Variants in FGF12 observed in about 807,000 individuals in gnomAD.
FGF12 encodes the protein fibroblast growth factor 12, also known as fibroblast growth factor 12B.
In FGF12, 14 loss-of-function variants were observed where a neutral mutation model predicts 23.6. The ratio of observed to expected loss-of-function variants is 0.59; its 90% confidence interval spans 0.39 to 0.93. The LOEUF (loss-of-function observed/expected upper bound fraction) is 0.93. Ranked by LOEUF, FGF12 falls within the 40% of genes least tolerant of loss-of-function variation. FGF12 has a pLI of 0.00. For synonymous variants in FGF12, 62 were observed against 77.3 expected, an observed-to-expected ratio of 0.80 and a Z score of 1.04; for missense variants, 175 against 217.8, an observed-to-expected ratio of 0.80 and a Z score of 1.24.
chr3:192,158,391 C>CTTTCTTCTTTCTTTCTTTCTTTTCTT (rs1163929214), intron 5 of FGF12, among the ~76,000 whole-genome samples: 2 of 77,050 alleles, frequency 2.6e-5, no homozygotes, highest in Non-Finnish European at 4.4e-5. Flanking sequence ...TCTTTTCTTT[C>CTTTCTTCTTTCTTTCTTTCTTTTCTT]TCTCTCTTTC....
chr3:192,529,549 C>T (rs4687342), intron 2 of FGF12, among the ~76,000 whole-genome samples: 97,801 of 152,068 alleles, frequency 0.64, 32,118 homozygotes, highest in East Asian at 0.86. Flanking sequence ...GGTATCTTTT[C>T]AGCAGCACCC....
rs1395726808 is a variant in FGF12, at chr3:192,713,453, A to G, written c.13+13728T>C. 2.0e-5 allele frequency among the ~76,000 whole-genome samples: 3 copies of G among 152,220 alleles called. No individual in the cohort carries two copies. In the East Asian group the frequency reaches 5.8e-4, roughly 29 times the overall value. On this transcript the variant is annotated intron_variant, in intron 2 of 5. Coordinates refer to ENST00000445105, the MANE Select transcript of FGF12 (RefSeq NM_004113.6). ...ATAACTGTGACAAAAATAGCAAGTA[A>G]AAACAGAAAAAGAAAGAAGAAATCA...
intron 3 of FGF12, among the ~76,000 whole-genome samples, chr3:192,350,392 T>G (rs1718164671): frequency 6.6e-6 from 1 of 152,080 alleles, no homozygotes; most frequent in South Asian, 2.1e-4. Flanking sequence ...ATTTTAGTAG[T>G]AAGAAGACAT....
At chr3:192,263,372 C>T (rs186892050) in intron 4 of FGF12, among the ~76,000 whole-genome samples, 1 of 151,876 alleles carries the variant, frequency 6.6e-6, no homozygotes, top group Admixed American at 6.6e-5. Flanking sequence ...AGCATTAATC[C>T]CATCAATGTC....
intron 4 of FGF12, among the ~76,000 whole-genome samples, chr3:192,305,666 G>GAAAAA (rs10663137): frequency 8.0e-6 from 1 of 125,184 alleles, no homozygotes. Context: ...GGTGGCTTAG[G>GAAAAA]AAAAAAAAAA....
chr3:192,599,084 G>C (rs2108629327), intron 2 of FGF12, among the ~76,000 whole-genome samples: 1 of 152,080 alleles, frequency 6.6e-6, no homozygotes, highest in African/African-American at 2.4e-5. Context: ...ACACAGGGAG[G>C]GGAATATCAC....
intron 2 of FGF12, among the ~76,000 whole-genome samples, chr3:192,684,583 T>C (rs1717665169): frequency 6.6e-6 from 1 of 152,154 alleles, no homozygotes; most frequent in Non-Finnish European, 1.5e-5. Flanking sequence ...GTGACATATG[T>C]TAAACTATTT....
At chr3:192,603,191 G>A (rs1827547) in intron 2 of FGF12, among the ~76,000 whole-genome samples, 19 of 152,164 alleles carry the variant, frequency 1.2e-4, no homozygotes, top group East Asian at 7.7e-4. Context: ...CAGAGCAGTC[G>A]GACAAGAGAA....
chr3:192,315,261 C>CGTTGTT (rs532620282), intron 4 of FGF12, among the ~76,000 whole-genome samples: 1 of 151,942 alleles, frequency 6.6e-6, no homozygotes, highest in Non-Finnish European at 1.5e-5. Flanking sequence ...TTTGTTTCGT[C>CGTTGTT]GTTGTTGTTG....
At chr3:192,687,692 A>AC (rs1344346536) in intron 2 of FGF12, among the ~76,000 whole-genome samples, 4 of 151,522 alleles carry the variant, frequency 2.6e-5, no homozygotes, top group Non-Finnish European at 4.4e-5. Context: ...AGCAGGCCCC[A>AC]CCCCCCAGCT....
chr3:192,623,625 A>G (rs1715054222), intron 2 of FGF12, among the ~76,000 whole-genome samples: 2 of 152,226 alleles, frequency 1.3e-5, no homozygotes, highest in African/African-American at 4.8e-5. Flanking sequence ...CCAGACTTCC[A>G]TTAGTTTCTT....
chr3:192,527,139 T>C (rs1724963864), intron 2 of FGF12, among the ~76,000 whole-genome samples: 1 of 152,190 alleles, frequency 6.6e-6, no homozygotes, highest in Non-Finnish European at 1.5e-5. Context: ...ACAATGGGAC[T>C]GGTGGCTTTA....
At chr3:192,458,338 G>A (rs1326705102) in intron 2 of FGF12, among the ~76,000 whole-genome samples, 1 of 152,196 alleles carries the variant, frequency 6.6e-6, no homozygotes, top group East Asian at 1.9e-4. Flanking sequence ...TGGAAAAGCT[G>A]CAGACACTCA....
At chr3:192,305,154 A>G (rs1430925279) in intron 4 of FGF12, among the ~76,000 whole-genome samples, 2 of 152,168 alleles carry the variant, frequency 1.3e-5, no homozygotes, top group African/African-American at 4.8e-5. Context: ...GAGAGATATC[A>G]AAGATGTTTG....
intron 2 of FGF12, among the ~76,000 whole-genome samples, chr3:192,594,870 G>C (rs1713775663): frequency 1.3e-5 from 2 of 151,862 alleles, no homozygotes; most frequent in African/African-American, 2.4e-5. Context: ...TACAGCAATA[G>C]AAAATGGACT....
intron 2 of FGF12, among the ~76,000 whole-genome samples, chr3:192,581,486 GTATATATATA>G (rs71298511): frequency 1.4e-4 from 20 of 144,604 alleles, no homozygotes; most frequent in Non-Finnish European, 2.6e-4. Flanking sequence ...GTGTGTGTGT[GTATATATATA>G]TATATATATA....
intron 2 of FGF12, among the ~76,000 whole-genome samples, chr3:192,481,196 C>T (rs1276333936): frequency 6.6e-6 from 1 of 152,086 alleles, no homozygotes; most frequent in African/African-American, 2.4e-5. Flanking sequence ...TGAGGAATGA[C>T]TTTTATCAGC....
chr3:192,655,515 A>G (rs1326532171), intron 2 of FGF12, among the ~76,000 whole-genome samples: 3 of 152,192 alleles, frequency 2.0e-5, no homozygotes, highest in Non-Finnish European at 4.4e-5. Context: ...AAATCACAAC[A>G]TCACCATACC....
At chr3:192,344,496 T>G (rs1717857748) in intron 3 of FGF12, among the ~76,000 whole-genome samples, 1 of 152,216 alleles carries the variant, frequency 6.6e-6, no homozygotes, top group African/African-American at 2.4e-5. Flanking sequence ...CTGCTTTAAG[T>G]ATGATGTCCT....
Sources: allele counts gnomAD v4.1 joint callset (sites outside exome capture counted in the v4.1 genomes callset), GRCh38; gene constraint gnomAD v4.1.1; transcripts MANE v1.5; gene names NCBI Gene and HGNC (gene_info 2026-07-23, HGNC 2026-07-21).